The following CSMD1 variants were observed in gnomAD, a reference collection of about 807,000 sequenced individuals.
The protein encoded by CSMD1 is CUB and Sushi multiple domains 1, also known as CUB and sushi domain-containing protein 1.
Under a neutral mutation model 417.5 loss-of-function variants are expected in CSMD1, and 213 were observed. The observed-to-expected ratio is 0.51, with a 90% CI of 0.46 to 0.57. The LOEUF is 0.57. CSMD1 is among the 20% of genes least tolerant of loss of function. CSMD1 has a pLI of 0.00. For missense variants in CSMD1, 6,923 were observed against 4,529.7 expected, an observed-to-expected ratio of 1.53 and a Z score of -15.17; for synonymous variants, 2,862 against 1,736.8, an observed-to-expected ratio of 1.65 and a Z score of -16.11.
At chr8:3,663,416 A>C (rs1426000718) in intron 7 of CSMD1, among the ~76,000 whole-genome samples, 1 of 152,262 alleles carries the variant, frequency 6.6e-6, no homozygotes, top group South Asian at 2.1e-4. Flanking sequence ...ACATGTGGAC[A>C]GGAAGGACTC....
intron 2 of CSMD1, among the ~76,000 whole-genome samples, chr8:4,462,486 C>G (rs564352809): frequency 2.6e-5 from 4 of 152,176 alleles, no homozygotes; most frequent in African/African-American, 9.6e-5. Context: ...CGTACATTAA[C>G]AAGCTGATCC....
At position 3,722,674 on chromosome 8, in the gene CSMD1, G is replaced by C. The variant is rs565904447; in HGVS notation, c.932-14183C>G. The stretch of plus-strand genomic sequence containing the variant: ...AATGTGTATATTCCGCACAGAGTTC[G>C]GTAAATTGCCCTAGGATCAATTTTT... On this transcript the variant is annotated intron_variant, in intron 6 of 69. Transcript: ENST00000635120. 2.6e-5 allele frequency among the ~76,000 whole-genome samples: 4 copies of C among 152,248 alleles called. No homozygotes were observed. In the South Asian group the frequency reaches 8.3e-4, roughly 32 times the overall value.
chr8:3,486,556 G>A (rs550679416), intron 11 of CSMD1, among the ~76,000 whole-genome samples: 2 of 151,992 alleles, frequency 1.3e-5, no homozygotes, highest in African/African-American at 2.4e-5. Flanking sequence ...GCCACAGTGA[G>A]TCTACACCTG....
At chr8:4,036,301 C>G (rs756605786) in intron 3 of CSMD1, among the ~76,000 whole-genome samples, 4 of 151,648 alleles carry the variant, frequency 2.6e-5, no homozygotes, top group Non-Finnish European at 5.9e-5. Flanking sequence ...TCAAGCCTCC[C>G]ACTTTATCAT....
intron 3 of CSMD1, among the ~76,000 whole-genome samples, chr8:4,326,451 G>T (rs1799568086): frequency 6.6e-6 from 1 of 152,100 alleles, no homozygotes; most frequent in South Asian, 2.1e-4. Flanking sequence ...AAGAGGTAAA[G>T]AATGCATATA....
intron 1 of CSMD1, among the ~76,000 whole-genome samples, chr8:4,716,417 T>C (rs976881226): frequency 6.6e-6 from 1 of 152,190 alleles, no homozygotes; most frequent in Non-Finnish European, 1.5e-5. Context: ...TTCATAAATG[T>C]ATACAAGGGA....
At chr8:4,651,066 T>C (rs1463791490) in intron 1 of CSMD1, among the ~76,000 whole-genome samples, 1 of 152,102 alleles carries the variant, frequency 6.6e-6, no homozygotes, top group Non-Finnish European at 1.5e-5. Flanking sequence ...AACTTTTAGA[T>C]CTAGTGCAGA....
chr8:4,220,766 T>C (rs1352723077), intron 3 of CSMD1, among the ~76,000 whole-genome samples: 1 of 152,160 alleles, frequency 6.6e-6, no homozygotes, highest in Non-Finnish European at 1.5e-5. Context: ...GTGGAGAATA[T>C]GGGGCCACCC....
intron 3 of CSMD1, among the ~76,000 whole-genome samples, chr8:4,055,377 A>G (rs1024458358): frequency 3.3e-5 from 5 of 152,064 alleles, no homozygotes; most frequent in Non-Finnish European, 5.9e-5. Context: ...AATTTCACAA[A>G]CTTACTAAGT....
intron 5 of CSMD1, among the ~76,000 whole-genome samples, chr8:3,785,741 C>T (rs1031079928): frequency 6.6e-6 from 1 of 152,114 alleles, no homozygotes; most frequent in African/African-American, 2.4e-5. Context: ...TGCGGGGAGC[C>T]AGGAGCTAGG....
intron 5 of CSMD1, among the ~76,000 whole-genome samples, chr8:3,804,955 T>A (rs2720878): frequency 0.015 from 2,286 of 152,116 alleles, 62 homozygotes; most frequent in African/African-American, 0.052. Context: ...TCTCCACCTC[T>A]GTGGCCAGAG....
chr8:3,184,528 C>T (rs1482792925), intron 36 of CSMD1, among the ~76,000 whole-genome samples: 3 of 152,202 alleles, frequency 2.0e-5, no homozygotes, highest in South Asian at 2.1e-4. Context: ...ATGAAATAGC[C>T]ATCAACTGAG....
chr8:3,720,988 T>G lies in CSMD1; in HGVS notation c.932-12497A>C, dbSNP rs539038741. Among the ~76,000 whole-genome samples the G allele has an allele frequency of 3.9e-4, 59 of 151,904 alleles. 1 individual carries two copies. The highest frequency in any genetic ancestry group is 1.3e-3 in the African/African-American group (54 of 41,400). On this transcript the variant is annotated intron_variant, in intron 6 of 69. Coordinates refer to ENST00000635120, the MANE Select transcript of CSMD1 (RefSeq NM_033225.6). Reference sequence around the variant, plus strand: ...CCACCACTACACCCGGCTAATTTATTTTTTTTGTATTTTTAGTACAGACGG... The same window carrying G: ...CCACCACTACACCCGGCTAATTTATGTTTTTTGTATTTTTAGTACAGACGG...
intron 2 of CSMD1, among the ~76,000 whole-genome samples, chr8:4,492,826 A>G (rs1162482804): frequency 6.6e-6 from 1 of 152,212 alleles, no homozygotes; most frequent in African/African-American, 2.4e-5. Context: ...TTTACTCCAG[A>G]TGCTGCTTCT....
intron 1 of CSMD1, among the ~76,000 whole-genome samples, chr8:4,880,595 C>T (rs1289850075): frequency 2.0e-5 from 3 of 152,082 alleles, no homozygotes; most frequent in South Asian, 2.1e-4. Context: ...GTTCTCAAAG[C>T]CCACATTGCC....
In CSMD1 at chr8:3,682,311, C is replaced by A. The variant is rs559873111; in HGVS notation, c.1009+26103G>T. Among the ~76,000 whole-genome samples the A allele has an allele frequency of 2.0e-5, 3 of 152,230 alleles. No individual in the cohort carries two copies. The East Asian group carries it at 5.8e-4, about 29-fold the overall frequency. On this transcript the variant is annotated intron_variant, in intron 7 of 69. Coordinates refer to ENST00000635120, the MANE Select transcript of CSMD1 (RefSeq NM_033225.6). Reference sequence around the variant, plus strand: ...TACTCATCTGACAAAGGGCTAATATCCAGAATTTACAAAGAACCCAAACAA... The same window carrying A: ...TACTCATCTGACAAAGGGCTAATATACAGAATTTACAAAGAACCCAAACAA...
At chr8:3,292,354 A>G (rs933596609) in intron 25 of CSMD1, among the ~76,000 whole-genome samples, 1 of 152,172 alleles carries the variant, frequency 6.6e-6, no homozygotes, top group African/African-American at 2.4e-5. Context: ...CGCTTGGTGC[A>G]GAGCTGAGTT....
intron 1 of CSMD1, among the ~76,000 whole-genome samples, chr8:4,733,849 G>T (rs760488610): frequency 9.9e-5 from 15 of 152,198 alleles, no homozygotes; most frequent in Middle Eastern, 3.4e-3. Flanking sequence ...ACCATTACAA[G>T]AAGTCAATTT....
At chr8:4,002,417 T>C (rs1403327765) in intron 4 of CSMD1, among the ~76,000 whole-genome samples, 1 of 152,258 alleles carries the variant, frequency 6.6e-6, no homozygotes, top group South Asian at 2.1e-4. Flanking sequence ...CTAACTAATA[T>C]GTTTGATGAG....
Sources: allele counts gnomAD v4.1 joint callset (sites outside exome capture counted in the v4.1 genomes callset), GRCh38; gene constraint gnomAD v4.1.1; transcripts MANE v1.5; gene names NCBI Gene and HGNC (gene_info 2026-07-23, HGNC 2026-07-21).